AP5Z1: variants seen among roughly 807,000 people sequenced by gnomAD.
AP5Z1 encodes the protein adaptor related protein complex 5 subunit zeta 1, also known as AP-5 complex subunit zeta-1.
A neutral mutation model predicts 83.0 loss-of-function variants in AP5Z1; 106 were observed. That is an observed-to-expected ratio of 1.28 (90% confidence interval 1.09 to 1.50). The LOEUF is 1.50. AP5Z1 is among the 40% of genes most tolerant of loss of function. The pLI, the probability that AP5Z1 is intolerant of heterozygous loss-of-function variation, is 0.00. For missense variants in AP5Z1, 1,565 were observed against 1,094.2 expected (o/e 1.43, Z -6.07); for synonymous variants, 751 against 514.1 (o/e 1.46, Z -6.23).
At chr7:4,789,488 A>G (rs114508191) in intron 13 of AP5Z1, among the ~76,000 whole-genome samples, 5,064 of 152,312 alleles carry the variant, frequency 0.033, 292 homozygotes, top group African/African-American at 0.12. Flanking sequence ...AAGCCAGTGC[A>G]GGAGAGCCTG....
chr7:4,784,573 C>T (rs1474576377), intron 6 of AP5Z1, among the ~76,000 whole-genome samples: 2 of 152,136 alleles, frequency 1.3e-5, no homozygotes, highest in African/African-American at 4.8e-5. Flanking sequence ...CCAGGGTCAG[C>T]ACCGGGGATC....
At chr7:4,785,750 T>G in intron 9 of AP5Z1, 66 bp downstream of exon 9, 1 of 1,386,058 alleles carries the variant, frequency 7.2e-7, no homozygotes, top group East Asian at 2.6e-5. Flanking sequence ...AGGATGGAAT[T>G]TCTTCTTCCC....
chr7:4,781,355 C>A (rs1443083261), intron 2 of AP5Z1, 43 bp downstream of exon 2: 1 of 1,608,686 alleles, frequency 6.2e-7, no homozygotes, highest in Non-Finnish European at 8.5e-7. Context: ...ACACAGCGGC[C>A]CCAGGAGAAC....
rs954750508 is a variant in AP5Z1, at chr7:4,792,174, C to T, written c.*789C>T. 13 of 152,224 alleles carry T rather than the reference C, an allele frequency of 8.5e-5. No individual in the cohort carries two copies. Among genetic ancestry groups the T allele is most frequent in the African/African-American group, 2.7e-4 (11 of 41,432 alleles). The allele number at this position is 152,224 out of a possible 1,614,324, so 9.4% of individuals were successfully genotyped here. ...CCCAGCCCCGCCACCTTCCTGGGCC[C>T]TGTGGTCCCACCCTCCGGACTACCA... On this transcript the variant is annotated 3_prime_UTR_variant, in exon 17 of 17. Coordinates refer to ENST00000649063, the MANE Select transcript of AP5Z1 (RefSeq NM_014855.3).
chr7:4,775,921 G>C (rs1466885408), intron 1 of AP5Z1, among the ~76,000 whole-genome samples, 165 bp downstream of exon 1: 1 of 152,210 alleles, frequency 6.6e-6, no homozygotes, highest in Non-Finnish European at 1.5e-5. Flanking sequence ...GGCCAGGCTT[G>C]GGGTGAGGAG....
chr7:4,783,558 G>A, intron 4 of AP5Z1, 98 bp downstream of exon 4: 7 of 1,550,232 alleles, frequency 4.5e-6, no homozygotes, highest in Non-Finnish European at 6.1e-6. Flanking sequence ...GGCAGGTGGG[G>A]GACACGGGGA....
chr7:4,783,078 G>A (rs975855642), intron 3 of AP5Z1, among the ~76,000 whole-genome samples: 6 of 152,210 alleles, frequency 3.9e-5, no homozygotes, highest in African/African-American at 9.6e-5. Flanking sequence ...TGAATCAGCC[G>A]TGCCCTCACC....
chr7:4,788,447 T>G, intron 12 of AP5Z1, 153 bp downstream of exon 12: 1 of 970,772 alleles, frequency 1.0e-6, no homozygotes, highest in Non-Finnish European at 1.4e-6. Flanking sequence ...ATAGAGGCCC[T>G]GCTTCTGCAC....
rs191971593 is a variant in AP5Z1 at position 4,783,430 on chromosome 7, G to C, written c.481G>C (p.Val161Leu). The change falls in exon 4 of 17, where the codon GTG becomes CTG. Residue 161 changes from valine (V) to leucine (L), a missense_variant. Physicochemically the swap from Val to Leu is conservative, Grantham distance 32. Coordinates refer to ENST00000649063, the MANE Select transcript of AP5Z1 (RefSeq NM_014855.3). ...RHLLPVMAKV[V>L]VLSPGTLQED... Reference sequence around the variant, plus strand: ...CCTCCTCCCCGTCATGGCCAAGGTCGTGGTCCTCAGCCCGGGCACCCTCCA... The same window carrying C: ...CCTCCTCCCCGTCATGGCCAAGGTCCTGGTCCTCAGCCCGGGCACCCTCCA... 1 of 1,612,872 alleles carries C rather than the reference G, an allele frequency of 6.2e-7. No homozygotes were observed. The highest frequency in any genetic ancestry group is 2.2e-5 in the East Asian group (1 of 44,866).
rs535174478 is a variant in AP5Z1, at chr7:4,788,284, G to T, written c.1585G>T (p.Ala529Ser). The part of the protein sequence containing the change: ...QYLLRPKASG[A>S]TERLAPLHQL... ...CCTGCTGCGCCCCAAGGCCAGTGGCGCCACTGAGAGGTACGGGGCCCTAGG... is the reference window on the plus strand; with the variant it reads ...CCTGCTGCGCCCCAAGGCCAGTGGCTCCACTGAGAGGTACGGGGCCCTAGG... The change falls in exon 12 of 17, where the codon GCC (alanine) becomes TCC (serine). Residue 529 changes from alanine (A) to serine (S), a missense_variant. By Grantham distance (99) the Ala-to-Ser change is moderately conservative (BLOSUM62 1). Transcript: ENST00000649063. The T allele has an allele frequency of 1.9e-5, 31 of 1,590,416 alleles. No individual in the cohort carries two copies. The African/African-American group carries it at 4.0e-4, about 21-fold the overall frequency.
Position 4,784,905 on chromosome 7 carries a change from C to G in AP5Z1, c.791-3C>G, listed in dbSNP as rs1480152137. The stretch of plus-strand genomic sequence containing the variant: ...GCCTGCTGAGAGTTCCCACCTCCCG[C>G]AGATGACAGGTCAGAGCAGGAGGGC... On this transcript the variant is annotated splice_region_variant and splice_polypyrimidine_tract_variant and intron_variant, in intron 6 of 16. Transcript: ENST00000649063. 1 of 1,607,862 alleles carries G rather than the reference C, an allele frequency of 6.2e-7. No individual in the cohort carries two copies. The highest frequency in any genetic ancestry group is 8.5e-7 in the Non-Finnish European group (1 of 1,176,440).
chr7:4,788,853 C>T lies in AP5Z1; in HGVS notation c.1609C>T (p.His537Tyr). ...CTGTGTCCTCAGGTTGGCGCCACTC[C>T]ACCAGCTGCTGCAGCCCATGGCCGG... ...SGATERLAPL[H>Y]QLLQPMAGCA... Residue 537 changes from histidine (H) to tyrosine (Y), a missense_variant, in exon 13 of 17, where the codon CAC (histidine) becomes TAC (tyrosine). Physicochemically the swap from His to Tyr is moderately conservative, Grantham distance 83. Transcript: ENST00000649063. 1 of 1,607,310 alleles carries T rather than the reference C, an allele frequency of 6.2e-7. No homozygotes were observed. The highest frequency in any genetic ancestry group is 8.5e-7 in the Non-Finnish European group (1 of 1,177,414).
rs772831449 is a variant in AP5Z1 at position 4,786,252 on chromosome 7, G to A, written c.1135G>A (p.Glu379Lys). ...PLAHFFLSHG[E>K]AAAVDSEAVY... ...CCTGGCGGGCCCTGGTCTTGCAGGG[G>A]AAGCGGCTGCAGTGGACTCGGAAGC... The change falls in exon 10 of 17, where the codon GAA becomes AAA. Residue 379 changes from glutamate (E) to lysine (K), a missense_variant and splice_region_variant. By Grantham distance (56) the Glu-to-Lys change is moderately conservative (BLOSUM62 1). Transcript: ENST00000649063. The A allele has an allele frequency of 5.0e-6, 8 of 1,601,760 alleles. No individual in the cohort carries two copies. The highest frequency in any genetic ancestry group is 6.8e-6 in the Non-Finnish European group (8 of 1,172,592).
chr7:4,791,484 C>G lies in AP5Z1; in HGVS notation c.*99C>G. ...AGGAGCTCAGGAGGGCGCGGGAGTC[C>G]TGGGAGAGGAGGCAAGGCCCACGGT... On this transcript the variant is annotated 3_prime_UTR_variant, in exon 17 of 17. Transcript: ENST00000649063. 1.4e-6 allele frequency: 2 copies of G among 1,461,018 alleles called. No individual in the cohort carries two copies. The highest frequency in any genetic ancestry group is 1.8e-6 in the Non-Finnish European group (2 of 1,097,886). The allele number at this position is 1,461,018 out of a possible 1,614,324, so 90.5% of individuals were successfully genotyped here.
Position 4,790,484 on chromosome 7 carries a change from C to A in AP5Z1, c.1831C>A (p.Leu611Met), listed in dbSNP as rs766893256. 2 of 1,613,208 alleles carry A rather than the reference C, an allele frequency of 1.2e-6. No individual in the cohort carries two copies. The highest frequency in any genetic ancestry group is 3.3e-5 in the Admixed American group (2 of 60,026). The change falls in exon 15 of 17, where the codon CTG becomes ATG. Residue 611 changes from leucine (L) to methionine (M), a missense_variant. Physicochemically the swap from Leu to Met is conservative, Grantham distance 15 (BLOSUM62 2). Coordinates refer to ENST00000649063, the MANE Select transcript of AP5Z1 (RefSeq NM_014855.3). Reference sequence around the variant, plus strand: ...TGTGCTGAGTTCTCAGTTCCTGGCCCTGTGTACGCTGAAACCCTCCCTGGT... The same window carrying A: ...TGTGCTGAGTTCTCAGTTCCTGGCCATGTGTACGCTGAAACCCTCCCTGGT... Reference protein sequence around the residue: ...HSVLSSQFLALCTLKPSLVVE... With the variant: ...HSVLSSQFLAMCTLKPSLVVE...
chr7:4,777,561 G>A (rs1463402735), intron 1 of AP5Z1, among the ~76,000 whole-genome samples: 1 of 151,860 alleles, frequency 6.6e-6, no homozygotes, highest in Non-Finnish European at 1.5e-5. Context: ...CTGATTTTTT[G>A]TATCTTTAGT....
intron 3 of AP5Z1, among the ~76,000 whole-genome samples, 168 bp from the exon 4 acceptor site, chr7:4,783,148 G>GC (rs1346326781): frequency 2.6e-5 from 4 of 152,366 alleles, no homozygotes; most frequent in Admixed American, 2.6e-4. Context: ...GGCGGAGCAG[G>GC]CACCTTGTGG....
At chr7:4,783,193 C>T (rs1781431054) in intron 3 of AP5Z1, 123 bp from the exon 4 acceptor site, 6 of 1,405,136 alleles carry the variant, frequency 4.3e-6, no homozygotes, top group Non-Finnish European at 4.7e-6. Context: ...TCCTCCCTGC[C>T]ACCTGCTAGG....
At position 4,785,421 on chromosome 7, in the gene AP5Z1, T is replaced by G; in HGVS notation, c.938T>G (p.Leu313Arg). 6.2e-7 allele frequency: 1 copy of G among 1,613,216 alleles called. No homozygotes were observed. Among genetic ancestry groups the G allele is most frequent in the Non-Finnish European group, 8.5e-7 (1 of 1,179,594 alleles). The part of the protein sequence containing the change: ...RLIEQSNRRA[L>R]RKGDSDLQKA... Reference sequence around the variant, plus strand: ...CTTTTTCCCCTCCTTCCAGGAGCCCTGAGGAAGGGGGACTCCGACCTGCAG... The same window carrying G: ...CTTTTTCCCCTCCTTCCAGGAGCCCGGAGGAAGGGGGACTCCGACCTGCAG... Residue 313 changes from leucine to arginine, a missense_variant, in exon 8 of 17, where the codon CTG (leucine) becomes CGG (arginine). Physicochemically the swap from Leu to Arg is moderately radical, Grantham distance 102. Transcript: ENST00000649063.
Sources: allele counts gnomAD v4.1 joint callset (sites outside exome capture counted in the v4.1 genomes callset), GRCh38; gene constraint gnomAD v4.1.1; transcripts MANE v1.5; gene names NCBI Gene and HGNC (gene_info 2026-07-23, HGNC 2026-07-21).